Variants in CACNA2D3 observed in about 807,000 individuals in gnomAD.
The protein encoded by CACNA2D3 is voltage-dependent calcium channel subunit alpha-2/delta-3.
CACNA2D3 carries 60 observed loss-of-function variants against 160.6 expected under a neutral mutation model. That is an observed-to-expected ratio of 0.37 (90% CI 0.30 to 0.46). CACNA2D3 has a LOEUF of 0.46. Among genes scored for constraint, CACNA2D3 ranks in the 20% least tolerant of loss-of-function variants. CACNA2D3 has a pLI of 1.00. For missense variants in CACNA2D3, 1,205 were observed against 1,365.0 expected (o/e 0.88, Z 1.85); for synonymous variants, 558 against 492.9 (o/e 1.13, Z -1.75).
intron 25 of CACNA2D3, 137 bp from the exon 26 acceptor site, chr3:54,896,612 C>T: frequency 2.2e-6 from 2 of 918,902 alleles, no homozygotes; most frequent in Non-Finnish European, 1.7e-6. Context: ...AAGTGAGGCC[C>T]CCTCTATACT....
chr3:54,938,187 T>G (rs969136375), intron 27 of CACNA2D3, among the ~76,000 whole-genome samples: 3 of 152,188 alleles, frequency 2.0e-5, no homozygotes, highest in Non-Finnish European at 4.4e-5. Flanking sequence ...TCCAGTGCAG[T>G]CAAGGAAGAA....
chr3:54,278,120 C>G (rs901123443), intron 2 of CACNA2D3, among the ~76,000 whole-genome samples: 4 of 152,056 alleles, frequency 2.6e-5, no homozygotes, highest in Non-Finnish European at 5.9e-5. Context: ...TATCTAGAAT[C>G]TACAAGGAAG....
intron 4 of CACNA2D3, among the ~76,000 whole-genome samples, chr3:54,501,562 G>A (rs1463883535): frequency 3.3e-5 from 5 of 151,212 alleles, no homozygotes; most frequent in African/African-American, 4.8e-5. Context: ...GGGTGCTGCT[G>A]CAACCGACTA....
intron 2 of CACNA2D3, among the ~76,000 whole-genome samples, chr3:54,275,055 C>T (rs1252395577): frequency 1.4e-4 from 22 of 152,326 alleles, no homozygotes; most frequent in East Asian, 1.9e-4. Flanking sequence ...AGTTGCCTGC[C>T]GCAGACAATC....
At chr3:54,282,159 G>A (rs756646080) in intron 2 of CACNA2D3, among the ~76,000 whole-genome samples, 10 of 152,074 alleles carry the variant, frequency 6.6e-5, no homozygotes, top group African/African-American at 9.7e-5. Context: ...CATGTTGAAC[G>A]CTGAGAAAAA....
chr3:54,423,681 G>A (rs1575447115), intron 4 of CACNA2D3, among the ~76,000 whole-genome samples: 1 of 152,114 alleles, frequency 6.6e-6, no homozygotes, highest in African/African-American at 2.4e-5. Flanking sequence ...TTTTGAATAA[G>A]CCTCTCTGGT....
intron 4 of CACNA2D3, among the ~76,000 whole-genome samples, chr3:54,409,463 A>T (rs572830760): frequency 6.6e-6 from 1 of 152,176 alleles, no homozygotes; most frequent in African/African-American, 2.4e-5. Context: ...AATTAGGCCA[A>T]TTAATAACCC....
intron 4 of CACNA2D3, among the ~76,000 whole-genome samples, chr3:54,453,372 A>G (rs868629123): frequency 6.6e-6 from 1 of 152,194 alleles, no homozygotes; most frequent in Non-Finnish European, 1.5e-5. Flanking sequence ...GACTTTTTAC[A>G]TCTGCAGAGA....
At chr3:54,260,387 G>A (rs1474900791) in intron 2 of CACNA2D3, among the ~76,000 whole-genome samples, 1 of 152,130 alleles carries the variant, frequency 6.6e-6, no homozygotes, top group Non-Finnish European at 1.5e-5. Context: ...AGGGTCAAAG[G>A]GCTGCATCTG....
intron 2 of CACNA2D3, among the ~76,000 whole-genome samples, chr3:54,318,674 G>A (rs1703921295): frequency 6.7e-6 from 1 of 148,296 alleles, no homozygotes; most frequent in African/African-American, 2.5e-5. Context: ...CTACCTGCCT[G>A]TAAGGGTAAG....
intron 4 of CACNA2D3, among the ~76,000 whole-genome samples, chr3:54,495,459 G>A (rs1167487721): frequency 6.6e-6 from 1 of 152,044 alleles, no homozygotes; most frequent in Non-Finnish European, 1.5e-5. Context: ...ATCAAGATAG[G>A]GCAATTTGGC....
intron 11 of CACNA2D3, among the ~76,000 whole-genome samples, chr3:54,702,961 GCAAATTAAT>G (rs1233787245): frequency 2.0e-5 from 3 of 152,148 alleles, no homozygotes; most frequent in Non-Finnish European, 4.4e-5. Flanking sequence ...ATTATCCTAA[GCAAATTAAT>G]ATAGGAACAG....
At chr3:54,241,533 T>A (rs1395095963) in intron 2 of CACNA2D3, among the ~76,000 whole-genome samples, 1 of 152,204 alleles carries the variant, frequency 6.6e-6, no homozygotes, top group Non-Finnish European at 1.5e-5. Context: ...CGGAGCAGAA[T>A]CGGTGCAAAC....
At chr3:54,607,569 A>T (rs986190088) in intron 9 of CACNA2D3, among the ~76,000 whole-genome samples, 25 of 152,198 alleles carry the variant, frequency 1.6e-4, no homozygotes, top group African/African-American at 5.8e-4. Flanking sequence ...ACAATACTAA[A>T]TGCGGGCTAG....
At chr3:54,904,903 AGAAAATTG>A (rs1700419227) in intron 27 of CACNA2D3, among the ~76,000 whole-genome samples, 2 of 152,358 alleles carry the variant, frequency 1.3e-5, no homozygotes, top group Non-Finnish European at 2.9e-5. Flanking sequence ...TTTAAGGAAT[AGAAAATTG>A]TTTTGTGTCC....
chr3:54,949,612 A>G (rs981778203), intron 27 of CACNA2D3, among the ~76,000 whole-genome samples: 1 of 152,198 alleles, frequency 6.6e-6, no homozygotes, highest in Non-Finnish European at 1.5e-5. Flanking sequence ...CACATTATCA[A>G]CATTCTCAAG....
intron 35 of CACNA2D3, among the ~76,000 whole-genome samples, chr3:55,057,648 C>A (rs1476995501): frequency 2.0e-5 from 3 of 152,132 alleles, no homozygotes; most frequent in Non-Finnish European, 2.9e-5. Flanking sequence ...AGGAACAAAA[C>A]ACTTCTCATG....
intron 4 of CACNA2D3, among the ~76,000 whole-genome samples, chr3:54,483,011 A>G (rs777636580): frequency 3.9e-5 from 6 of 152,168 alleles, no homozygotes; most frequent in Non-Finnish European, 5.9e-5. Context: ...TGTTCCCACC[A>G]CCTTAACATG....
At chr3:54,553,620 G>A (rs1702194408) in intron 5 of CACNA2D3, among the ~76,000 whole-genome samples, 2 of 152,204 alleles carry the variant, frequency 1.3e-5, no homozygotes, top group Non-Finnish European at 2.9e-5. Flanking sequence ...CTCTAATTCT[G>A]TGTTAGCTTA....
Sources: gnomAD v4.1 joint callset for allele counts (sites outside exome capture counted in the v4.1 genomes callset) on GRCh38, gnomAD v4.1.1 for gene constraint, MANE v1.5 for transcripts, NCBI Gene and HGNC (gene_info 2026-07-23, HGNC 2026-07-21) for gene names.